The following TMEM106A variants were observed in gnomAD, a reference collection of about 807,000 sequenced individuals.
TMEM106A encodes transmembrane protein 106A.
In TMEM106A, 22 loss-of-function variants were observed where a neutral mutation model predicts 25.1. That is an observed-to-expected ratio of 0.88 (90% CI 0.63 to 1.25). The LOEUF (loss-of-function observed/expected upper bound fraction) is 1.25, where lower values mean the gene tolerates loss of function less well. TMEM106A is among the 50% of genes most tolerant of loss of function. The pLI is 0.00. For synonymous variants in TMEM106A, 104 were observed against 129.9 expected, an observed-to-expected ratio of 0.80 and a Z score of 1.35; for missense variants, 275 against 318.1, an observed-to-expected ratio of 0.86 and a Z score of 1.03.
intron 3 of TMEM106A, 63 bp downstream of exon 3, chr17:43,213,315 TGG>T: frequency 6.4e-7 from 1 of 1,573,034 alleles, no homozygotes; most frequent in South Asian, 1.1e-5. Flanking sequence ...CCTGTTGGCC[TGG>T]GGCAGCCCCT....
At position 43,217,884 on chromosome 17, in the gene TMEM106A, C is replaced by T. The variant is rs1348737843; in HGVS notation, c.*83C>T. The T allele has an allele frequency of 1.3e-6, 2 of 1,587,816 alleles. No individual in the cohort carries two copies. Among genetic ancestry groups the T allele is most frequent in the African/African-American group, 2.7e-5 (2 of 74,400 alleles). On this transcript the variant is annotated 3_prime_UTR_variant, in exon 9 of 9. Transcript: ENST00000612339. The stretch of plus-strand genomic sequence containing the variant: ...CTCCCTGGTGACTAAGGAAGGACTA[C>T]AGAGGCTTTGCCAAAGGAGAAGCCC...
rs1352097098 is a variant in TMEM106A at position 43,220,025 on chromosome 17, TAA to T, written c.*2225_*2226del. 1 of 151,938 alleles carries T rather than the reference TAA, an allele frequency of 6.6e-6. No homozygotes were observed. The highest frequency in any genetic ancestry group is 1.5e-5 in the Non-Finnish European group (1 of 68,010). The allele number at this position is 151,938 out of a possible 1,614,324, so 9.4% of individuals were successfully genotyped here. On this transcript the variant is annotated 3_prime_UTR_variant, in exon 9 of 9. Coordinates refer to ENST00000612339, the MANE Select transcript of TMEM106A (RefSeq NM_145041.4). ...TATATTGTATTCAATAAACTATACT[TAA>T]GAGTGTTCAAAAAAGTCTCCTGGGA...
chr17:43,214,646 C>T (rs560751441), intron 4 of TMEM106A, among the ~76,000 whole-genome samples: 5 of 152,194 alleles, frequency 3.3e-5, no homozygotes, highest in Non-Finnish European at 4.4e-5. Flanking sequence ...GAACCCTCTC[C>T]GCCACCCCAC....
Position 43,217,920 on chromosome 17 carries a change from C to T in TMEM106A, c.*119C>T, listed in dbSNP as rs1366369483. On this transcript the variant is annotated 3_prime_UTR_variant, in exon 9 of 9. Coordinates refer to ENST00000612339, the MANE Select transcript of TMEM106A (RefSeq NM_145041.4). ...CCAAAGGAGAAGCCCTGCCTCATCA[C>T]ACCCTTACCTCCCACCCCCTCAGCA... 1 of 1,449,194 alleles carries T rather than the reference C, an allele frequency of 6.9e-7. No homozygotes were observed. Among genetic ancestry groups the T allele is most frequent in the Non-Finnish European group, 9.4e-7 (1 of 1,059,778 alleles). 89.8% of individuals were successfully genotyped at this position (1,449,194 alleles called of 1,614,324 possible). A position where few individuals can be genotyped will look rare whatever the true frequency, so the allele number is the denominator to read the frequency against.
Position 43,216,421 on chromosome 17 carries a change from T to C in TMEM106A, c.430-28T>C, listed in dbSNP as rs371450582. On this transcript the variant is annotated intron_variant, in intron 5 of 8. Transcript: ENST00000612339. ...TTTCCTAAGGATGGGCCATCTTCACTCCTCCCTTCCCTTGTCTTCATCCCC... is the reference window on the plus strand; with the variant it reads ...TTTCCTAAGGATGGGCCATCTTCACCCCTCCCTTCCCTTGTCTTCATCCCC... 10 of 1,609,754 alleles carry C rather than the reference T, an allele frequency of 6.2e-6. No homozygotes were observed. In the African/African-American group the frequency reaches 1.1e-4, roughly 17 times the overall value.
chr17:43,217,783 G>A lies in TMEM106A; in HGVS notation c.771G>A (p.Leu257=). 1.9e-6 allele frequency: 3 copies of A among 1,614,148 alleles called. No homozygotes were observed. Among genetic ancestry groups the A allele is most frequent in the Non-Finnish European group, 2.5e-6 (3 of 1,180,022 alleles). The change falls in exon 9 of 9, where the codon CTG becomes CTA. Residue 257 remains leucine (L), a synonymous_variant. Coordinates refer to ENST00000612339, the MANE Select transcript of TMEM106A (RefSeq NM_145041.4). ...GAAACGCATCTGTGCCCCACCAGCT[G>A]ACCCCTCACCCACCATGACCTGTCT... ...CRGNASVPHQ[L]TPHPP
rs1037695072 is a variant in TMEM106A, at chr17:43,212,212, C to G, written c.-189-15C>G. On this transcript the variant is annotated splice_polypyrimidine_tract_variant and intron_variant, in intron 1 of 8. Coordinates refer to ENST00000612339, the MANE Select transcript of TMEM106A (RefSeq NM_145041.4). ...ACTATCCCCACTCTCCAGTGCGGCA[C>G]ATTCGTTCCCCTAGGACTCCGGCCG... 12 of 152,844 alleles carry G rather than the reference C, an allele frequency of 7.9e-5. No individual in the cohort carries two copies. The highest frequency in any genetic ancestry group is 2.6e-4 in the African/African-American group (11 of 41,586). 9.5% of individuals were successfully genotyped at this position (152,844 alleles called of 1,614,324 possible).
intron 7 of TMEM106A, 98 bp downstream of exon 7, chr17:43,216,838 G>C: frequency 6.6e-7 from 1 of 1,515,044 alleles, no homozygotes; most frequent in Non-Finnish European, 9.2e-7. Flanking sequence ...AAATTCTTCA[G>C]CCAGCATCTG....
intron 7 of TMEM106A, 110 bp downstream of exon 7, chr17:43,216,850 C>G: frequency 7.0e-7 from 1 of 1,422,234 alleles, no homozygotes; most frequent in Non-Finnish European, 9.9e-7. Flanking sequence ...CAGCATCTGG[C>G]CTGCCCTCCC....
Position 43,219,261 on chromosome 17 carries a change from TCTCTCCTTGGG to T in TMEM106A, c.*1463_*1473del, listed in dbSNP as rs1340489830. 6.6e-6 allele frequency: 1 copy of T among 152,236 alleles called. No individual in the cohort carries two copies. The highest frequency in any genetic ancestry group is 1.9e-4 in the East Asian group (1 of 5,176). 9.4% of individuals were successfully genotyped at this position (152,236 alleles called of 1,614,324 possible). On this transcript the variant is annotated 3_prime_UTR_variant, in exon 9 of 9. Coordinates refer to ENST00000612339, the MANE Select transcript of TMEM106A (RefSeq NM_145041.4). ...GCCCTCTCTGGTCCCAGAGGCCTCATCTCTCCTTGGGCTTTGACAATGTGGAGCAGCACATC... is the reference window on the plus strand; with the variant it reads ...GCCCTCTCTGGTCCCAGAGGCCTCATCTTTGACAATGTGGAGCAGCACATC...
chr17:43,214,218 GA>G (rs68035478), intron 4 of TMEM106A, among the ~76,000 whole-genome samples: 38,036 of 132,578 alleles, frequency 0.29, 5,326 homozygotes, highest in South Asian at 0.46. Flanking sequence ...AAAAAAAAAA[GA>G]AAAGAAAGAA....
rs1343919837 is a variant in TMEM106A, at chr17:43,219,105, C to T, written c.*1304C>T. 6.6e-6 allele frequency: 1 copy of T among 152,158 alleles called. No homozygotes were observed. Among genetic ancestry groups the T allele is most frequent in the East Asian group, 1.9e-4 (1 of 5,202 alleles). 9.4% of individuals were successfully genotyped at this position (152,158 alleles called of 1,614,324 possible). ...GAGCCTCTAAGTCCACATCCTGAGC[C>T]CATGTGAGTGGACACAGGTAGGTAA... is the stretch of plus-strand genomic sequence containing the variant. On this transcript the variant is annotated 3_prime_UTR_variant, in exon 9 of 9. Transcript: ENST00000612339.
intron 7 of TMEM106A, 156 bp downstream of exon 7, chr17:43,216,896 C>T: frequency 2.1e-6 from 2 of 944,252 alleles, no homozygotes; most frequent in Admixed American, 2.1e-5. Context: ...GTTCAGGGTC[C>T]CCAGCCTCTG....
chr17:43,212,585 T>G (rs1048862613), intron 2 of TMEM106A, among the ~76,000 whole-genome samples, 191 bp downstream of exon 2: 1 of 152,270 alleles, frequency 6.6e-6, no homozygotes, highest in South Asian at 2.1e-4. Flanking sequence ...TCCCAGGGCT[T>G]CTTTAGATAG....
Position 43,213,908 on chromosome 17 carries a change from C to G in TMEM106A, c.275+17C>G. 1 of 1,614,000 alleles carries G rather than the reference C, an allele frequency of 6.2e-7. No homozygotes were observed. The highest frequency in any genetic ancestry group is 8.5e-7 in the Non-Finnish European group (1 of 1,179,910). On this transcript the variant is annotated intron_variant, in intron 4 of 8. Transcript: ENST00000612339. ...CAAGCACACGTAAGCCCCCCTTCCT[C>G]CCCTAGCTTCACAAGCCATTGCCCC...
Position 43,219,341 on chromosome 17 carries a change from G to T in TMEM106A, c.*1540G>T, listed in dbSNP as rs2057514624. The T allele has an allele frequency of 6.6e-6, 1 of 152,128 alleles. No homozygotes were observed. The highest frequency in any genetic ancestry group is 2.1e-4 in the South Asian group (1 of 4,818). The allele number at this position is 152,128 out of a possible 1,614,324, so 9.4% of individuals were successfully genotyped here. ...CCCTCCCTTTCCTGTCACTTAGCTG[G>T]AGCTAAGCTCCAGATAACCCCTAGG... On this transcript the variant is annotated 3_prime_UTR_variant, in exon 9 of 9. Transcript: ENST00000612339.
intron 4 of TMEM106A, 95 bp downstream of exon 4, chr17:43,213,986 A>G: frequency 1.5e-6 from 2 of 1,307,250 alleles, no homozygotes; most frequent in Non-Finnish European, 2.2e-6. Context: ...ATTTCTTCCT[A>G]TTAGTTCTTC....
intron 4 of TMEM106A, among the ~76,000 whole-genome samples, chr17:43,214,966 A>T (rs550501014): frequency 6.7e-6 from 1 of 149,930 alleles, no homozygotes; most frequent in African/African-American, 2.5e-5. Flanking sequence ...TCTGAAAAAA[A>T]AAAAAAAACA....
chr17:43,212,513 T>C (rs767616037), intron 2 of TMEM106A, 119 bp downstream of exon 2: 10 of 155,092 alleles, frequency 6.4e-5, no homozygotes, highest in Non-Finnish European at 1.3e-4. Context: ...GACCCTGGTA[T>C]CACTATGACC....
Sources: allele counts gnomAD v4.1 joint callset (sites outside exome capture counted in the v4.1 genomes callset), GRCh38; gene constraint gnomAD v4.1.1; transcripts MANE v1.5; gene names NCBI Gene and HGNC (gene_info 2026-07-23, HGNC 2026-07-21).